The following USP42 variants were observed in gnomAD, a reference collection of about 807,000 sequenced individuals.
USP42 encodes ubiquitin specific peptidase 42, also known as ubiquitin carboxyl-terminal hydrolase 42.
In USP42, 23 loss-of-function variants were observed where a neutral mutation model predicts 113.0. The observed-to-expected ratio is 0.20, with a 90% CI of 0.15 to 0.29. The LOEUF is 0.29. USP42 is among the 10% of genes least tolerant of loss of function. USP42 has a pLI of 1.00. For missense variants in USP42, 2,174 were observed against 1,779.8 expected, an observed-to-expected ratio of 1.22 and a Z score of -3.99; for synonymous variants, 933 against 699.0, an observed-to-expected ratio of 1.33 and a Z score of -5.28.
At chr7:6,113,747 G>C (rs1282092422) in intron 2 of USP42, among the ~76,000 whole-genome samples, 2 of 151,880 alleles carry the variant, frequency 1.3e-5, no homozygotes, top group Non-Finnish European at 2.9e-5. Flanking sequence ...TCAGCCTCCT[G>C]AGTAGCTGGG....
upstream of USP42, among the ~76,000 whole-genome samples, chr7:6,103,826 G>C (rs1192412394): frequency 1.3e-5 from 2 of 151,120 alleles, no homozygotes; most frequent in African/African-American, 4.9e-5. Flanking sequence ...AGCCACGGAG[G>C]GGGAGCTGCT....
chr7:6,135,594 G>A (rs373698987), intron 3 of USP42, among the ~76,000 whole-genome samples: 12 of 137,472 alleles, frequency 8.7e-5, no homozygotes, highest in Admixed American at 1.5e-4. Context: ...CGAGGTTGCA[G>A]TGAGCCAGGG....
upstream of USP42, among the ~76,000 whole-genome samples, chr7:6,101,183 T>G (rs1307801417): frequency 1.3e-5 from 2 of 150,778 alleles, no homozygotes; most frequent in Non-Finnish European, 2.9e-5. Context: ...GAGGCAGCTG[T>G]GAGTTATAAG....
At chr7:6,151,072 A>G (rs776515912) in intron 14 of USP42, among the ~76,000 whole-genome samples, 4 of 152,206 alleles carry the variant, frequency 2.6e-5, no homozygotes, top group Admixed American at 6.5e-5. Flanking sequence ...ATACAGTGGT[A>G]TTTGTGTATC....
chr7:6,112,973 G>A (rs546329796), intron 2 of USP42, among the ~76,000 whole-genome samples: 11 of 144,640 alleles, frequency 7.6e-5, no homozygotes, highest in Admixed American at 2.9e-4. Context: ...GCGCGATCTC[G>A]GCTCACTGCA....
chr7:6,136,841 A>T (rs1338067162), intron 4 of USP42, among the ~76,000 whole-genome samples: 4 of 144,754 alleles, frequency 2.8e-5, no homozygotes, highest in African/African-American at 1.0e-4. Flanking sequence ...ACTGTGTCTC[A>T]CTGTTTTGCC....
chr7:6,103,472 A>T (rs1408516534), upstream of USP42, among the ~76,000 whole-genome samples: 1 of 149,698 alleles, frequency 6.7e-6, no homozygotes, highest in Non-Finnish European at 1.5e-5. Context: ...AGCCGAGATG[A>T]CACCATTGCA....
chr7:6,136,666 A>C (rs1351686811), intron 4 of USP42, among the ~76,000 whole-genome samples: 1 of 152,074 alleles, frequency 6.6e-6, no homozygotes, highest in Non-Finnish European at 1.5e-5. Flanking sequence ...TGAATACTTT[A>C]CTATACGCAG....
intron 15 of USP42, among the ~76,000 whole-genome samples, 151 bp downstream of exon 15, chr7:6,155,346 T>C (rs970221193): frequency 2.6e-5 from 4 of 152,156 alleles, no homozygotes; most frequent in African/African-American, 9.7e-5. Flanking sequence ...GTTTTGAGAG[T>C]TCACTATTTT....
chr7:6,102,459 C>A (rs1489741082), upstream of USP42, among the ~76,000 whole-genome samples: 1 of 148,626 alleles, frequency 6.7e-6, no homozygotes, highest in African/African-American at 2.5e-5. Flanking sequence ...TTGTCAACAG[C>A]GTGAAATGGA....
At chr7:6,126,700 G>A (rs1488261852) in intron 3 of USP42, among the ~76,000 whole-genome samples, 1 of 152,080 alleles carries the variant, frequency 6.6e-6, no homozygotes, top group East Asian at 1.9e-4. Flanking sequence ...TCTAGTTTTG[G>A]GATATCGTGA....
intron 2 of USP42, among the ~76,000 whole-genome samples, chr7:6,114,672 A>ATTGT: frequency 3.0e-5 from 1 of 33,740 alleles, no homozygotes; most frequent in Admixed American, 4.0e-4. Context: ...ATATATATAT[A>ATTGT]TATATATTTT....
At position 6,154,200 on chromosome 7, in the gene USP42, C is replaced by G. The variant is rs780327489; in HGVS notation, c.2646C>G (p.Asp882Glu). The G allele has an allele frequency of 6.2e-7, 1 of 1,602,602 alleles. No individual in the cohort carries two copies. Among genetic ancestry groups the G allele is most frequent in the Non-Finnish European group, 8.5e-7 (1 of 1,176,612 alleles). Reference protein sequence around the residue: ...LVHPSGDHARDAQDPSQSLGA... With the variant: ...LVHPSGDHAREAQDPSQSLGA... ...ACCCCAGCGGGGACCACGCCCGGGA[C>G]GCTCAGGACCCATCCCAGAGCTTGG... The change falls in exon 15 of 18, where the codon GAC (aspartate) becomes GAG (glutamate). Residue 882 changes from aspartate to glutamate, a missense_variant. Transcript: ENST00000306177.
At chr7:6,147,533 C>A (rs1432965729) in intron 11 of USP42, among the ~76,000 whole-genome samples, 1 of 152,232 alleles carries the variant, frequency 6.6e-6, no homozygotes, top group African/African-American at 2.4e-5. Flanking sequence ...ACGTCATTTA[C>A]CCAGTTATCC....
intron 1 of USP42, among the ~76,000 whole-genome samples, chr7:6,108,456 A>G (rs1319253151): frequency 6.6e-6 from 1 of 152,092 alleles, no homozygotes; most frequent in African/African-American, 2.4e-5. Flanking sequence ...ACTTCATAGC[A>G]TGGGTAGTAC....
chr7:6,089,077 C>G, the USP42 span, among the ~76,000 whole-genome samples: 1 of 150,310 alleles, frequency 6.7e-6, no homozygotes, highest in Non-Finnish European at 1.5e-5. Context: ...TGGAGTTTCA[C>G]TTTGTTGCCC....
chr7:6,152,807 T>A (rs1389420181), intron 14 of USP42: 1 of 334,934 alleles, frequency 3.0e-6, no homozygotes, highest in Non-Finnish European at 4.2e-6. Flanking sequence ...TGCTAAAGCC[T>A]CTGATTCCTC....
chr7:6,085,620 A>ATTTTT, the USP42 span, among the ~76,000 whole-genome samples: 17 of 140,120 alleles, frequency 1.2e-4, 2 homozygotes, highest in African/African-American at 4.7e-4. Context: ...ATATATATAT[A>ATTTTT]TATATTTTTT....
In USP42 at chr7:6,154,763, C is replaced by G. The variant is rs1782326345; in HGVS notation, c.3209C>G (p.Ala1070Gly). Reference sequence around the variant, plus strand: ...TACCATGACAGGTACGCCCTGTACGCTGCCCGGGACTGGAAGCCCTTCCAC... The same window carrying G: ...TACCATGACAGGTACGCCCTGTACGGTGCCCGGGACTGGAAGCCCTTCCAC... ...RYYHDRYALY[A>G]ARDWKPFHGG... Residue 1070 changes from alanine to glycine, a missense_variant, in exon 15 of 18, where the codon GCT becomes GGT. By Grantham distance (60) the Ala-to-Gly change is moderately conservative. Coordinates refer to ENST00000306177, the MANE Select transcript of USP42 (RefSeq NM_032172.3). The G allele has an allele frequency of 6.4e-7, 1 of 1,556,156 alleles. No homozygotes were observed. Among genetic ancestry groups the G allele is most frequent in the Admixed American group, 1.9e-5 (1 of 51,458 alleles).
Sources: allele counts gnomAD v4.1 joint callset (sites outside exome capture counted in the v4.1 genomes callset), GRCh38; gene constraint gnomAD v4.1.1; transcripts MANE v1.5; gene names NCBI Gene and HGNC (gene_info 2026-07-23, HGNC 2026-07-21).